MTMR1: variants seen among roughly 807,000 people sequenced by gnomAD.
MTMR1 encodes the protein phosphatidylinositol-3-phosphate phosphatase MTMR1.
In MTMR1, 17 loss-of-function variants were observed where a neutral mutation model predicts 51.6. That is an observed-to-expected ratio of 0.33 (90% CI 0.23 to 0.49). The LOEUF is 0.49. Ranked by LOEUF, MTMR1 falls within the 20% of genes least tolerant of loss-of-function variation. The pLI is 0.99. For missense variants in MTMR1, 386 were observed against 526.9 expected (o/e 0.73, Z 2.62); for synonymous variants, 201 against 205.6 (o/e 0.98, Z 0.19).
intron 3 of MTMR1, among the ~76,000 whole-genome samples, chrX:150,715,898 A>T (rs1446875223): frequency 1.8e-5 from 2 of 112,535 alleles, no homozygotes; most frequent in African/African-American, 6.5e-5. Flanking sequence ...TGACTATGGG[A>T]AGAGAAGAGA....
intron 1 of MTMR1, among the ~76,000 whole-genome samples, chrX:150,696,917 T>C (rs1231163894): frequency 9.0e-6 from 1 of 111,407 alleles, no homozygotes. Flanking sequence ...GTCAACCTTC[T>C]TCTCCGCTTT....
chrX:150,760,659 C>T (rs1352799054), intron 15 of MTMR1, among the ~76,000 whole-genome samples: 2 of 112,093 alleles, frequency 1.8e-5, no homozygotes, highest in African/African-American at 6.5e-5. Context: ...CGCGGTGGCT[C>T]ACGCCTGTAA....
chrX:150,759,830 G>A lies in MTMR1; in HGVS notation c.1858-2735G>A, dbSNP rs376630514. Among the ~76,000 whole-genome samples the A allele has an allele frequency of 9.1e-5, 10 of 109,586 alleles. 1 individual carries two copies. The highest frequency in any genetic ancestry group is 3.9e-4 in the Admixed American group (4 of 10,366). Reference sequence around the variant, plus strand: ...CTGTACACACATGATCCCAGTTAACGCTCCCAGCAATTCCACGACGTAGAG... The same window carrying A: ...CTGTACACACATGATCCCAGTTAACACTCCCAGCAATTCCACGACGTAGAG... On this transcript the variant is annotated intron_variant, in intron 15 of 15. Transcript: ENST00000445323.
chrX:150,760,044 C>G, intron 15 of MTMR1, among the ~76,000 whole-genome samples: 1 of 109,589 alleles, frequency 9.1e-6, no homozygotes, highest in South Asian at 3.7e-4. Flanking sequence ...TGAATCCATT[C>G]CAAGTGCACT....
intron 12 of MTMR1, among the ~76,000 whole-genome samples, chrX:150,739,027 C>T (rs1479710530): frequency 2.7e-5 from 3 of 112,185 alleles, no homozygotes; most frequent in Non-Finnish European, 5.6e-5. Flanking sequence ...CCTGAAGTCC[C>T]CATTAGACTT....
chrX:150,750,487 T>G (rs1470423833), intron 13 of MTMR1, among the ~76,000 whole-genome samples: 1 of 111,893 alleles, frequency 8.9e-6, no homozygotes. Flanking sequence ...TGGTGAGAAG[T>G]GGAAGCTACA....
intron 12 of MTMR1, among the ~76,000 whole-genome samples, chrX:150,741,302 A>G (rs2042417741): frequency 8.9e-6 from 1 of 112,123 alleles, no homozygotes; most frequent in African/African-American, 3.2e-5. Flanking sequence ...TCTAAGCCTC[A>G]GCTGTGCCCA....
At chrX:150,758,973 C>T (rs149620738) in intron 15 of MTMR1, among the ~76,000 whole-genome samples, 1,713 of 112,206 alleles carry the variant, frequency 0.015, 28 homozygotes, top group African/African-American at 0.052. Flanking sequence ...TGAAATGGTC[C>T]ATGTGCCCAG....
Position 150,751,176 on chromosome X carries a change from T to C in MTMR1, c.1680+333T>C, listed in dbSNP as rs782423856. On this transcript the variant is annotated intron_variant, in intron 14 of 15. Transcript: ENST00000445323. ...TTCTGCTTTTCATCCTCTGTGGTGT[T>C]GGCCAGATCATACTTGAAGGCCTTG... 353 of 867,017 alleles carry C rather than the reference T, an allele frequency of 4.1e-4. 7 individuals are homozygous for C. In the African/African-American group the frequency reaches 6.8e-3, roughly 17 times the overall value. The allele number at this position is 867,017 out of a possible 1,213,427, so 71.5% of individuals were successfully genotyped here.
chrX:150,723,464 C>A (rs1052247654), intron 4 of MTMR1, among the ~76,000 whole-genome samples: 33 of 109,490 alleles, frequency 3.0e-4, no homozygotes, highest in South Asian at 4.0e-4. Context: ...AGTTTACAGT[C>A]CCACCAACAG....
At position 150,763,063 on chromosome X, in the gene MTMR1, C is replaced by A; in HGVS notation, c.*334C>A. ...TCCTTCAGTAACAACAAACACCACT[C>A]ACTTCAAGATGCATTGCCAGCCCCG... On this transcript the variant is annotated 3_prime_UTR_variant, in exon 16 of 16. Coordinates refer to ENST00000445323, the MANE Select transcript of MTMR1 (RefSeq NM_001306144.3). The A allele has an allele frequency of 5.9e-6, 1 of 170,303 alleles. No homozygotes were observed. Among genetic ancestry groups the A allele is most frequent in the South Asian group, 2.5e-4 (1 of 4,009 alleles). 14.0% of individuals were successfully genotyped at this position (170,303 alleles called of 1,213,427 possible). A position where few individuals can be genotyped will look rare whatever the true frequency, so the allele number is the denominator to read the frequency against.
intron 13 of MTMR1, among the ~76,000 whole-genome samples, chrX:150,749,516 A>G (rs1288024011): frequency 3.6e-5 from 4 of 111,869 alleles, no homozygotes; most frequent in Non-Finnish European, 5.6e-5. Context: ...CACTCAGCAC[A>G]TGCCTGCTGT....
intron 1 of MTMR1, among the ~76,000 whole-genome samples, chrX:150,698,680 G>GCGCGCACACA (rs1491104991): frequency 1.6e-5 from 1 of 62,989 alleles, no homozygotes; most frequent in East Asian, 4.6e-4. Context: ...ACACGCGCGC[G>GCGCGCACACA]CACACACACA....
intron 15 of MTMR1, among the ~76,000 whole-genome samples, chrX:150,759,738 C>G (rs985413975): frequency 1.8e-5 from 2 of 110,070 alleles, no homozygotes; most frequent in Admixed American, 9.6e-5. Flanking sequence ...CCTGCAACAT[C>G]ATGATGATGA....
At chrX:150,714,346 A>C (rs1224827942) in intron 3 of MTMR1, 2 of 310,907 alleles carry the variant, frequency 6.4e-6, no homozygotes, top group Non-Finnish European at 1.1e-5. Context: ...TTGCAAAGTC[A>C]TGAAAGGTGT....
chrX:150,716,051 A>G (rs910961855), intron 3 of MTMR1, among the ~76,000 whole-genome samples: 4 of 112,673 alleles, frequency 3.6e-5, no homozygotes, highest in South Asian at 3.7e-4. Flanking sequence ...TGCTCTAAAT[A>G]GAGAGAGTCA....
chrX:150,693,306 C>T, upstream of MTMR1: 1 of 243,676 alleles, frequency 4.1e-6, no homozygotes, highest in Non-Finnish European at 5.8e-6. Flanking sequence ...GGGTTCCCGG[C>T]GCCGGCCCCG....
intron 2 of MTMR1, among the ~76,000 whole-genome samples, chrX:150,709,003 C>G (rs1466139512): frequency 9.0e-6 from 1 of 111,535 alleles, no homozygotes; most frequent in East Asian, 2.8e-4. Flanking sequence ...CTTAAGTCTT[C>G]TAATGAGGCC....
intron 2 of MTMR1, among the ~76,000 whole-genome samples, chrX:150,701,948 G>A (rs2040923382): frequency 9.0e-6 from 1 of 111,648 alleles, no homozygotes; most frequent in African/African-American, 3.3e-5. Context: ...CTTGCTTAGG[G>A]TCATACAGTT....
Sources: allele counts gnomAD v4.1 joint callset (sites outside exome capture counted in the v4.1 genomes callset), GRCh38; gene constraint gnomAD v4.1.1; transcripts MANE v1.5; gene names NCBI Gene and HGNC (gene_info 2026-07-23, HGNC 2026-07-21).